Variants in ARMH3 observed in about 807,000 individuals in gnomAD.
The protein encoded by ARMH3 is armadillo like helical domain containing 3.
A neutral mutation model predicts 99.1 loss-of-function variants in ARMH3; 60 were observed. That is an observed-to-expected ratio of 0.61 (90% CI 0.49 to 0.75). The LOEUF is 0.75. ARMH3 is among the 30% of genes least tolerant of loss of function. The pLI is 0.00. For synonymous variants in ARMH3, 285 were observed against 292.8 expected (o/e 0.97, Z 0.27); for missense variants, 679 against 843.1 (o/e 0.81, Z 2.41).
intron 23 of ARMH3, among the ~76,000 whole-genome samples, chr10:101,925,500 G>A (rs1441712143): frequency 1.3e-5 from 2 of 152,220 alleles, no homozygotes; most frequent in Non-Finnish European, 2.9e-5. Flanking sequence ...CTTTGAAGAA[G>A]TTAACATTTA....
At chr10:101,861,514 C>T (rs1380218602) in intron 24 of ARMH3, among the ~76,000 whole-genome samples, 3 of 151,876 alleles carry the variant, frequency 2.0e-5, no homozygotes, top group Non-Finnish European at 4.4e-5. Context: ...GGACGGATCA[C>T]GAGGGCAGGA....
chr10:102,010,995 A>G lies in ARMH3; in HGVS notation c.831+728T>C, dbSNP rs191385247. Among the ~76,000 whole-genome samples the G allele has an allele frequency of 4.2e-3, 646 of 152,198 alleles. 4 individuals are homozygous for G. Among genetic ancestry groups the G allele is most frequent in the Non-Finnish European group, 6.4e-3 (435 of 68,006 alleles). ...AACTACTTCTTGCAACTAACCAAAA[A>G]ATTGTCTTGCCCTAGAGCTGAATAC... is the stretch of plus-strand genomic sequence containing the variant. On this transcript the variant is annotated intron_variant, in intron 11 of 25. Coordinates refer to ENST00000370033, the MANE Select transcript of ARMH3 (RefSeq NM_024541.3).
rs2136194793 is a variant in ARMH3, at chr10:102,029,709, T to A, written c.343A>T (p.Asn115Tyr). 6.2e-7 allele frequency: 1 copy of A among 1,614,176 alleles called. No individual in the cohort carries two copies. Among genetic ancestry groups the A allele is most frequent in the East Asian group, 2.2e-5 (1 of 44,892 alleles). The part of the protein sequence containing the change: ...CALIRGVHQK[N>Y]KSTSGFDIIN... ...ATGTCAAACCCAGAGGTAGACTTATTCTTTTGATGGACTCCTCGAATGAGT... is the reference window on the plus strand; with the variant it reads ...ATGTCAAACCCAGAGGTAGACTTATACTTTTGATGGACTCCTCGAATGAGT... The change falls in exon 5 of 26, where the codon AAT becomes TAT. Residue 115 changes from asparagine to tyrosine, a missense_variant. Around this residue, in one of 3 missense-constraint regions of ARMH3, gnomAD observed 280 missense variants for 354.6 expected, o/e 0.79. Coordinates refer to ENST00000370033, the MANE Select transcript of ARMH3 (RefSeq NM_024541.3).
intron 23 of ARMH3, among the ~76,000 whole-genome samples, chr10:101,914,625 G>A (rs1227420670): frequency 6.6e-6 from 1 of 151,778 alleles, no homozygotes; most frequent in Non-Finnish European, 1.5e-5. Flanking sequence ...CAGCACTTTG[G>A]GAGGCCGAGG....
chr10:101,973,359 C>CAA (rs56712768), intron 20 of ARMH3, among the ~76,000 whole-genome samples: 19 of 80,046 alleles, frequency 2.4e-4, no homozygotes, highest in East Asian at 8.7e-4. Context: ...GACTCCGTCT[C>CAA]AAAAAAAAAA....
chr10:102,044,370 C>T (rs1225031435), intron 1 of ARMH3, among the ~76,000 whole-genome samples: 4 of 150,278 alleles, frequency 2.7e-5, no homozygotes, highest in African/African-American at 7.3e-5. Context: ...CCACCATGCC[C>T]GGCCTTTTTT....
At chr10:102,000,027 G>A (rs940007449) in intron 15 of ARMH3, among the ~76,000 whole-genome samples, 1 of 152,098 alleles carries the variant, frequency 6.6e-6, no homozygotes, top group African/African-American at 2.4e-5. Context: ...AGGTTGCAGT[G>A]AGCCTTGGTT....
intron 22 of ARMH3, among the ~76,000 whole-genome samples, chr10:101,953,488 C>T (rs1844890467): frequency 6.6e-6 from 1 of 151,130 alleles, no homozygotes; most frequent in Admixed American, 6.6e-5. Flanking sequence ...CTTGATCCTC[C>T]CGCCTGGGAC....
chr10:102,044,463 TG>T (rs2067497719), intron 1 of ARMH3, among the ~76,000 whole-genome samples: 1 of 151,304 alleles, frequency 6.6e-6, no homozygotes, highest in Admixed American at 6.6e-5. Flanking sequence ...CTCCACCTCC[TG>T]GGCTCAAGCC....
intron 15 of ARMH3, among the ~76,000 whole-genome samples, chr10:101,996,544 A>G (rs942102111): frequency 1.3e-5 from 2 of 152,202 alleles, no homozygotes; most frequent in Non-Finnish European, 2.9e-5. Context: ...CCTTGCCTCC[A>G]GAAAACTAGA....
intron 1 of ARMH3, among the ~76,000 whole-genome samples, chr10:102,047,975 C>A (rs374481585): frequency 6.6e-6 from 1 of 152,106 alleles, no homozygotes; most frequent in East Asian, 1.9e-4. Flanking sequence ...TCGAGGCAGC[C>A]TCCCACAACA....
intron 1 of ARMH3, among the ~76,000 whole-genome samples, chr10:102,041,203 C>G (rs1470969414): frequency 6.6e-6 from 1 of 150,638 alleles, no homozygotes; most frequent in Non-Finnish European, 1.5e-5. Context: ...ATGTTCCCAT[C>G]TTGCTTCACG....
In ARMH3 at chr10:102,033,303, C is replaced by T; in HGVS notation, c.139G>A (p.Glu47Lys). ...CTTACCTTCATGAGAAAGAGCTCCT[C>T]CCAAAACCGAGGACTGCACTTACTG... ...DPSKCSPRFW[E>K]ELFLMKVNLE... The change falls in exon 3 of 26, where the codon GAG becomes AAG. Residue 47 changes from glutamate (E) to lysine (K), a missense_variant. Glu to Lys is a moderately conservative substitution (Grantham distance 56). Transcript: ENST00000370033. 6.2e-7 allele frequency: 1 copy of T among 1,614,134 alleles called. No individual in the cohort carries two copies. Among genetic ancestry groups the T allele is most frequent in the South Asian group, 1.1e-5 (1 of 91,084 alleles).
chr10:101,848,209 GTTC>G (rs1395560465), intron 25 of ARMH3, among the ~76,000 whole-genome samples: 1 of 152,140 alleles, frequency 6.6e-6, no homozygotes, highest in African/African-American at 2.4e-5. Flanking sequence ...AGGGCCGAGG[GTTC>G]TTAACTCCTA....
In ARMH3 at chr10:101,985,826, G is replaced by A. The variant is rs140453830; in HGVS notation, c.1406+4725C>T. Among the ~76,000 whole-genome samples, 246 of 152,142 alleles carry A rather than the reference G, an allele frequency of 1.6e-3. 1 individual carries two copies. The highest frequency in any genetic ancestry group is 5.5e-3 in the African/African-American group (230 of 41,484). ...GAGGTCAGGAGTTCAAGACCATCCT[G>A]GCCAACATGGTGAAACCCTGTCTCT... On this transcript the variant is annotated intron_variant, in intron 19 of 25. Coordinates refer to ENST00000370033, the MANE Select transcript of ARMH3 (RefSeq NM_024541.3).
chr10:101,979,655 C>T (rs1169978292), intron 19 of ARMH3, among the ~76,000 whole-genome samples: 2 of 152,170 alleles, frequency 1.3e-5, no homozygotes, highest in Admixed American at 6.5e-5. Context: ...AAAAAAAACT[C>T]TGTGGCCTAC....
At chr10:101,995,114 T>C (rs1489841188) in intron 16 of ARMH3, among the ~76,000 whole-genome samples, 183 bp downstream of exon 16, 5 of 152,196 alleles carry the variant, frequency 3.3e-5, no homozygotes, top group African/African-American at 1.2e-4. Flanking sequence ...AGACCCTGTC[T>C]ATCCATGGCT....
At chr10:101,859,667 T>C (rs924046197) in intron 24 of ARMH3, among the ~76,000 whole-genome samples, 6 of 152,232 alleles carry the variant, frequency 3.9e-5, no homozygotes, top group African/African-American at 1.4e-4. Flanking sequence ...AGTGTACTTA[T>C]TAGATAACTG....
chr10:102,013,384 A>T (rs768941588), intron 9 of ARMH3, among the ~76,000 whole-genome samples: 9 of 152,208 alleles, frequency 5.9e-5, no homozygotes, highest in Non-Finnish European at 1.3e-4. Context: ...TAACACAAAG[A>T]TCAATTAAGG....
Sources: allele counts gnomAD v4.1 joint callset (sites outside exome capture counted in the v4.1 genomes callset), GRCh38; gene constraint gnomAD v4.1.1; regional missense constraint gnomAD v4.1.1; transcripts MANE v1.5; gene names NCBI Gene and HGNC (gene_info 2026-07-23, HGNC 2026-07-21).